The following GCN1 variants were observed in gnomAD, a reference collection of about 807,000 sequenced individuals.
GCN1 encodes the protein stalled ribosome sensor GCN1.
GCN1 carries 90 observed loss-of-function variants against 288.4 expected under a neutral mutation model. That is an observed-to-expected ratio of 0.31 (90% CI 0.26 to 0.37). GCN1 has a LOEUF of 0.37. GCN1 is among the 10% of genes least tolerant of loss of function. GCN1 has a pLI of 1.00. For synonymous variants in GCN1, 1,386 were observed against 1,420.2 expected (o/e 0.98, Z 0.54); for missense variants, 2,586 against 3,419.9 (o/e 0.76, Z 6.08).
rs563432155 is a variant in GCN1 at position 120,149,101 on chromosome 12, G to C, written c.4546+505C>G. On this transcript the variant is annotated intron_variant, in intron 36 of 57. Coordinates refer to ENST00000300648, the MANE Select transcript of GCN1 (RefSeq NM_006836.2). The stretch of plus-strand genomic sequence containing the variant: ...TATTTTCAAAAAGAGCTTTCCTGGG[G>C]GGGGAAAACTTTAAAGCCAAAGAGG... Among the ~76,000 whole-genome samples the C allele has an allele frequency of 2.0e-5, 3 of 151,986 alleles. No homozygotes were observed. The South Asian group carries it at 6.2e-4, about 32-fold the overall frequency.
In GCN1 at chr12:120,128,074, G is replaced by C. The variant is rs12580252; in HGVS notation, c.7891-100C>G. ...AAAATGAATGTTAACCCCAGAACTA[G>C]AGACACTGAGGTGGACTCTGGCAAA... On this transcript the variant is annotated intron_variant, in intron 57 of 57. Transcript: ENST00000300648. The C allele has an allele frequency of 3.4e-4, 447 of 1,308,866 alleles. 1 individual carries two copies. In the East Asian group the frequency reaches 8.0e-3, roughly 23 times the overall value. The allele number at this position is 1,308,866 out of a possible 1,614,324, so 81.1% of individuals were successfully genotyped here.
intron 53 of GCN1, among the ~76,000 whole-genome samples, 162 bp from the exon 54 acceptor site, chr12:120,132,184 C>T (rs995078178): frequency 6.6e-6 from 1 of 152,172 alleles, no homozygotes; most frequent in South Asian, 2.1e-4. Flanking sequence ...ACTCGTGCTC[C>T]CCTGCCAGAT....
rs1316433541 is a variant in GCN1, at chr12:120,131,939, C to A, written c.7401G>T (p.Gln2467His). 1 of 1,602,038 alleles carries A rather than the reference C, an allele frequency of 6.2e-7. No homozygotes were observed. Among genetic ancestry groups the A allele is most frequent in the South Asian group, 1.1e-5 (1 of 89,234 alleles). ...CAGTGTACTTACCCAGCAAGCACTG[C>A]TGTAGAACGGCACTAAGCTCCTCTT... is the stretch of plus-strand genomic sequence containing the variant. ...LTEEELSAVL[Q>H]QCLLADVSGI... Residue 2467 changes from glutamine (Q) to histidine (H), a missense_variant, in exon 54 of 58, where the codon CAG (glutamine) becomes CAT (histidine). Gln to His is a conservative substitution (Grantham distance 24). Coordinates refer to ENST00000300648, the MANE Select transcript of GCN1 (RefSeq NM_006836.2).
At chr12:120,182,928 C>A (rs1468819554) in intron 5 of GCN1, among the ~76,000 whole-genome samples, 1 of 142,932 alleles carries the variant, frequency 7.0e-6, no homozygotes, top group Admixed American at 6.9e-5. Context: ...GAGCAAGACT[C>A]CGTCTCAAAA....
intron 56 of GCN1, among the ~76,000 whole-genome samples, chr12:120,130,370 G>C (rs7312762): frequency 5.3e-5 from 8 of 152,104 alleles, no homozygotes; most frequent in Non-Finnish European, 1.0e-4. Flanking sequence ...ACAAAACTAC[G>C]GTGCCTAGAA....
At chr12:120,176,283 C>T in intron 9 of GCN1, 66 bp from the exon 10 acceptor site, 2 of 1,057,304 alleles carry the variant, frequency 1.9e-6, no homozygotes, top group South Asian at 1.3e-5. Context: ...AATTTTGTTC[C>T]CCTACTCCCC....
In GCN1 at chr12:120,156,992, T is replaced by G. The variant is rs1413059535; in HGVS notation, c.3088A>C (p.Asn1030His). 6.2e-7 allele frequency: 1 copy of G among 1,610,140 alleles called. No homozygotes were observed. The highest frequency in any genetic ancestry group is 8.5e-7 in the Non-Finnish European group (1 of 1,176,566). Reference sequence around the variant, plus strand: ...ACGCGAGGCAGCAACTCCGGGCCATTCTAGGAGAGAACGGCAGGTAAGTCG... The same window carrying G: ...ACGCGAGGCAGCAACTCCGGGCCATGCTAGGAGAGAACGGCAGGTAAGTCG... ...PNTPPGRVDE[N>H]GPELLPRVAM... Residue 1030 changes from asparagine (N) to histidine (H), a missense_variant and splice_region_variant, in exon 27 of 58, where the codon AAT becomes CAT. This residue lies in a region of GCN1 where 153 missense variants were observed against 252.0 expected (regional missense o/e 0.61). Transcript: ENST00000300648. This position sits in a 1 kb window ranked among gnomAD's most constrained non-coding sequence, Gnocchi z 5.8.
Position 120,155,726 on chromosome 12 carries a change from G to A in GCN1, c.3313-7C>T, listed in dbSNP as rs768475882. 10 of 1,613,886 alleles carry A rather than the reference G, an allele frequency of 6.2e-6. No homozygotes were observed. Among genetic ancestry groups the A allele is most frequent in the Non-Finnish European group, 7.6e-6 (9 of 1,179,938 alleles). ...TGTGGAGTTCCATCAGCCCCTGGAA[G>A]GGGTGGGATTGGACCGTGTGAGGCA... is the stretch of plus-strand genomic sequence containing the variant. On this transcript the variant is annotated splice_region_variant and splice_polypyrimidine_tract_variant and intron_variant, in intron 28 of 57. Coordinates refer to ENST00000300648, the MANE Select transcript of GCN1 (RefSeq NM_006836.2). This position sits in a 1 kb window ranked among gnomAD's most constrained non-coding sequence, Gnocchi z 4.9.
intron 18 of GCN1, 74 bp downstream of exon 18, chr12:120,164,262 C>G (rs1284464677): frequency 7.2e-7 from 1 of 1,390,750 alleles, no homozygotes; most frequent in Non-Finnish European, 1.0e-6. Flanking sequence ...GTGGCCCAGC[C>G]AAAACCCCAC....
chr12:120,163,329 G>T, intron 18 of GCN1, 70 bp from the exon 19 acceptor site: 1 of 1,266,706 alleles, frequency 7.9e-7, no homozygotes, highest in Non-Finnish European at 1.1e-6. Flanking sequence ...AACCAAATAT[G>T]CTACGGACAC....
intron 18 of GCN1, among the ~76,000 whole-genome samples, 164 bp from the exon 19 acceptor site, chr12:120,163,423 T>C (rs1318592663): frequency 1.3e-5 from 2 of 152,204 alleles, no homozygotes; most frequent in Non-Finnish European, 2.9e-5. Context: ...ACCCACAGGC[T>C]GTGAGATGTG....
At chr12:120,177,618 G>T (rs755185262) in intron 8 of GCN1, 63 bp from the exon 9 acceptor site, 1 of 1,545,716 alleles carries the variant, frequency 6.5e-7, no homozygotes, top group South Asian at 1.1e-5. Flanking sequence ...GCAAAAAAGA[G>T]TTCAGCATCC....
intron 1 of GCN1, among the ~76,000 whole-genome samples, chr12:120,192,897 ATGG>A (rs1352729766): frequency 7.0e-6 from 1 of 143,140 alleles, no homozygotes. Flanking sequence ...CTAGCCGGGC[ATGG>A]TGGCGCATGC....
intron 26 of GCN1, 183 bp from the exon 27 acceptor site, chr12:120,157,175 C>T: frequency 2.0e-6 from 1 of 500,108 alleles, no homozygotes; most frequent in Non-Finnish European, 3.6e-6. Flanking sequence ...CAACCATGAT[C>T]CTCAGGAACT....
At chr12:120,138,905 G>A (rs968784693) in intron 45 of GCN1, 49 bp from the exon 46 acceptor site, 7 of 1,537,644 alleles carry the variant, frequency 4.6e-6, no homozygotes, top group Non-Finnish European at 6.2e-6. Context: ...GGCAAAGAAG[G>A]AGCAGAAGCA....
At position 120,142,786 on chromosome 12, in the gene GCN1, C is replaced by A. The variant is rs766364220; in HGVS notation, c.5613+38G>T. ...CTATGGCATGGGCATCAGGGCACAC[C>A]CTACCATCAGCAGGGGCAGGAAAGC... On this transcript the variant is annotated intron_variant, in intron 43 of 57. Transcript: ENST00000300648. This position sits in a 1 kb window ranked among gnomAD's most constrained non-coding sequence, Gnocchi z 4.9. The A allele has an allele frequency of 6.3e-7, 1 of 1,598,854 alleles. No individual in the cohort carries two copies.
rs576437313 is a variant in GCN1, at chr12:120,174,526, C to T, written c.1094-357G>A. ...TCTACTACTAGGCCAGGCGCAGTGG[C>T]TCACGCCTGTAATCCCAGCACTTTG... On this transcript the variant is annotated intron_variant, in intron 12 of 57. Transcript: ENST00000300648. Among the ~76,000 whole-genome samples the T allele has an allele frequency of 8.5e-5, 13 of 152,304 alleles. No homozygotes were observed. In the South Asian group the frequency reaches 2.5e-3, roughly 29 times the overall value.
Position 120,158,748 on chromosome 12 carries a change from G to C in GCN1, c.2750-133C>G, listed in dbSNP as rs1877833476. ...ATTTCTGCGGCTGGGCGCGGTGGCT[G>C]ATGCCTGTAATCCCAGCACTTTGGG... On this transcript the variant is annotated intron_variant, in intron 24 of 57. Transcript: ENST00000300648. This position sits in a 1 kb window ranked among gnomAD's most constrained non-coding sequence, Gnocchi z 4.3. 4 of 742,214 alleles carry C rather than the reference G, an allele frequency of 5.4e-6. No homozygotes were observed. The highest frequency in any genetic ancestry group is 8.6e-6 in the Non-Finnish European group (4 of 465,360). 46.0% of individuals were successfully genotyped at this position (742,214 alleles called of 1,614,324 possible). A position where few individuals can be genotyped will look rare whatever the true frequency, so the allele number is the denominator to read the frequency against.
At chr12:120,150,733 C>A (rs532782852) in intron 34 of GCN1, among the ~76,000 whole-genome samples, 2 of 151,628 alleles carry the variant, frequency 1.3e-5, no homozygotes, top group Admixed American at 6.6e-5. Context: ...GTCAGGAGAT[C>A]GAGACCATCC....
Sources: allele counts gnomAD v4.1 joint callset (sites outside exome capture counted in the v4.1 genomes callset), GRCh38; gene constraint gnomAD v4.1.1; regional missense constraint gnomAD v4.1.1; non-coding constraint Gnocchi (gnomAD v3.1); transcripts MANE v1.5; gene names NCBI Gene and HGNC (gene_info 2026-07-23, HGNC 2026-07-21).